The following SRSF11 variants were observed in gnomAD, a reference collection of about 807,000 sequenced individuals.
SRSF11 encodes the protein serine/arginine-rich splicing factor 11.
In SRSF11, 9 loss-of-function variants were observed where a neutral mutation model predicts 56.0. The ratio of observed to expected loss-of-function variants is 0.16; its 90% CI spans 0.10 to 0.28. The LOEUF (loss-of-function observed/expected upper bound fraction) is 0.28, where lower values mean the gene tolerates loss of function less well. Ranked by LOEUF, SRSF11 falls within the 10% of genes least tolerant of loss-of-function variation. The pLI, the probability that SRSF11 is intolerant of heterozygous loss-of-function variation, is 1.00. For synonymous variants in SRSF11, 222 were observed against 215.3 expected (o/e 1.03, Z -0.27); for missense variants, 421 against 600.7 (o/e 0.70, Z 3.13).
intron 1 of SRSF11, among the ~76,000 whole-genome samples, chr1:70,205,964 G>GCAGCGTTTCTGGACCC (rs1668974772): frequency 6.6e-6 from 1 of 152,150 alleles, no homozygotes; most frequent in Admixed American, 6.5e-5. Flanking sequence ...GGCGCGGTCG[G>GCAGCGTTTCTGGACCC]CAGCGTTTCT....
At chr1:70,214,980 C>T (rs2100517480) in intron 1 of SRSF11, among the ~76,000 whole-genome samples, 1 of 150,220 alleles carries the variant, frequency 6.7e-6, no homozygotes, top group Non-Finnish European at 1.5e-5. Flanking sequence ...CTTACTGCAG[C>T]CTCCGCCTCC....
intron 1 of SRSF11, among the ~76,000 whole-genome samples, chr1:70,210,871 A>C (rs1359749846): frequency 2.0e-5 from 3 of 152,164 alleles, no homozygotes; most frequent in Non-Finnish European, 4.4e-5. Flanking sequence ...TAGTAAAAAA[A>C]AAAATTATCA....
intron 6 of SRSF11, among the ~76,000 whole-genome samples, chr1:70,238,741 A>T (rs933127197): frequency 6.6e-6 from 1 of 152,204 alleles, no homozygotes; most frequent in Non-Finnish European, 1.5e-5. Flanking sequence ...AATCAAGGAA[A>T]GGAAAGGGGA....
chr1:70,243,363 A>C (rs1292179757), intron 7 of SRSF11, among the ~76,000 whole-genome samples: 4 of 141,476 alleles, frequency 2.8e-5, no homozygotes, highest in South Asian at 2.2e-4. Flanking sequence ...AAAAAAAAAA[A>C]AAAAAAAAAA....
upstream of SRSF11, among the ~76,000 whole-genome samples, chr1:70,217,304 A>G (rs1026610898): frequency 1.3e-5 from 2 of 152,184 alleles, no homozygotes; most frequent in South Asian, 4.1e-4. Flanking sequence ...GATTACAGGC[A>G]TGTGCCACCA....
chr1:70,233,909 CT>C lies in SRSF11; in HGVS notation c.448-786del, dbSNP rs1673387864. On this transcript the variant is annotated intron_variant, in intron 3 of 11. Coordinates refer to ENST00000370949, the MANE Select transcript of SRSF11 (RefSeq NM_001350605.2). The stretch of plus-strand genomic sequence containing the variant: ...GTTATAGGAGATTACTAGGGGAACT[CT>C]AATGAATACAGGAATCACAAGTATA... 4.6e-5 allele frequency among the ~76,000 whole-genome samples: 7 copies of C among 152,160 alleles called. No individual in the cohort carries two copies. In the South Asian group the frequency reaches 1.4e-3, roughly 32 times the overall value.
chr1:70,223,677 A>T (rs1671129107), intron 1 of SRSF11, among the ~76,000 whole-genome samples: 1 of 152,260 alleles, frequency 6.6e-6, no homozygotes, highest in South Asian at 2.1e-4. Flanking sequence ...GTTAAATGTT[A>T]TTAGTGGCCT....
chr1:70,230,513 C>A, intron 2 of SRSF11: 1 of 1,247,364 alleles, frequency 8.0e-7, no homozygotes, highest in East Asian at 5.9e-5. Context: ...ATGTTTGTTT[C>A]TTTTGTCTGT....
upstream of SRSF11, among the ~76,000 whole-genome samples, chr1:70,220,116 G>GC (rs1670386435): frequency 6.6e-6 from 1 of 152,194 alleles, no homozygotes; most frequent in South Asian, 2.1e-4. Context: ...CCAGGTTCTG[G>GC]ACTGACCCAG....
intron 2 of SRSF11, chr1:70,230,258 A>G: frequency 1.0e-6 from 1 of 1,000,734 alleles, no homozygotes; most frequent in Non-Finnish European, 1.2e-6. Context: ...GGAATATTTC[A>G]TTCAGAATTC....
intron 1 of SRSF11, among the ~76,000 whole-genome samples, chr1:70,215,426 T>C (rs191162391): frequency 5.8e-4 from 89 of 152,334 alleles, no homozygotes; most frequent in African/African-American, 2.0e-3. Flanking sequence ...CTTACAAGAA[T>C]TGAGCAGATT....
intron 1 of SRSF11, among the ~76,000 whole-genome samples, chr1:70,212,208 T>C (rs1178866433): frequency 2.6e-5 from 4 of 152,174 alleles, no homozygotes; most frequent in African/African-American, 9.7e-5. Context: ...TTGATAGTTT[T>C]TTTGTTCTGA....
intron 3 of SRSF11, 146 bp from the exon 4 acceptor site, chr1:70,234,550 G>T (rs1673530464): frequency 3.8e-6 from 2 of 520,988 alleles, no homozygotes; most frequent in Non-Finnish European, 3.3e-6. Context: ...TAGTTATATG[G>T]TTTGTGTACA....
chr1:70,239,147 A>G (rs998920853), intron 6 of SRSF11, among the ~76,000 whole-genome samples: 1 of 152,060 alleles, frequency 6.6e-6, no homozygotes, highest in African/African-American at 2.4e-5. Context: ...GCTGGAGTGC[A>G]GTGGTGCAAT....
At chr1:70,209,600 T>G (rs1669353746) in intron 1 of SRSF11, among the ~76,000 whole-genome samples, 2 of 151,996 alleles carry the variant, frequency 1.3e-5, no homozygotes, top group Non-Finnish European at 2.9e-5. Context: ...GGACATTCTT[T>G]TTTGTTTGTT....
intron 9 of SRSF11, chr1:70,248,530 A>T (rs1677251795): frequency 6.6e-6 from 1 of 152,140 alleles, no homozygotes; most frequent in South Asian, 2.1e-4. Flanking sequence ...TTAAAAACTA[A>T]ATTTTTAAGC....
Position 70,212,617 on chromosome 1 carries a change from G to T in SRSF11, c.-26+6837G>T, listed in dbSNP as rs538838764. ...TTGTGTCTTTTCATGTTGGTGTCAT[G>T]TTTGTATTGCAGTAGCCTCTTAAAG... On this transcript the variant is annotated intron_variant, in intron 1 of 12. Coordinates refer to the SRSF11 transcript ENST00000370950. Among the ~76,000 whole-genome samples the T allele has an allele frequency of 2.6e-5, 4 of 152,250 alleles. No individual in the cohort carries two copies. The South Asian group carries it at 8.3e-4, about 32-fold the overall frequency.
chr1:70,250,229 A>G, intron 10 of SRSF11, 136 bp from the exon 11 acceptor site: 1 of 1,410,006 alleles, frequency 7.1e-7, no homozygotes, highest in Non-Finnish European at 9.6e-7. Flanking sequence ...TAAACAAGTT[A>G]GTTTTGTAGC....
chr1:70,220,576 A>T (rs79073215), upstream of SRSF11, among the ~76,000 whole-genome samples: 1 of 152,246 alleles, frequency 6.6e-6, no homozygotes, highest in Admixed American at 6.5e-5. Flanking sequence ...GGCTGGGTGC[A>T]GTGGCTCACG....
Sources: allele counts gnomAD v4.1 joint callset (sites outside exome capture counted in the v4.1 genomes callset), GRCh38; gene constraint gnomAD v4.1.1; transcripts MANE v1.5; gene names NCBI Gene and HGNC (gene_info 2026-07-23, HGNC 2026-07-21).